The following ZBTB44 variants were observed in gnomAD, a reference collection of about 807,000 sequenced individuals.
The protein encoded by ZBTB44 is zinc finger and BTB domain containing 44.
A neutral mutation model predicts 54.0 loss-of-function variants in ZBTB44; 15 were observed. That is an observed-to-expected ratio of 0.28 (90% confidence interval 0.19 to 0.43). The LOEUF (loss-of-function observed/expected upper bound fraction) is 0.43. Among genes scored for constraint, ZBTB44 ranks in the 20% least tolerant of loss-of-function variants. The pLI is 1.00. For missense variants in ZBTB44, 487 were observed against 707.1 expected, an observed-to-expected ratio of 0.69 and a Z score of 3.53; for synonymous variants, 230 against 250.1, an observed-to-expected ratio of 0.92 and a Z score of 0.76.
At chr11:130,247,808 T>A in intron 2 of ZBTB44, among the ~76,000 whole-genome samples, 1 of 152,236 alleles carries the variant, frequency 6.6e-6, no homozygotes, top group East Asian at 1.9e-4. Context: ...CAACTATTAA[T>A]ATTTACAGTG....
chr11:130,295,849 TTTGGTG>T, intron 1 of ZBTB44: 1 of 1,400,514 alleles, frequency 7.1e-7, no homozygotes, highest in East Asian at 2.3e-5. Flanking sequence ...CATGCAAATT[TTTGGTG>T]TTCTTAAGGA....
intron 3 of ZBTB44, 21 bp downstream of exon 3, chr11:130,239,791 A>G: frequency 6.2e-7 from 1 of 1,603,222 alleles, no homozygotes. Context: ...AGAGGTAACG[A>G]AATGCTATGT....
At chr11:130,234,308 A>G (rs762072880) in intron 5 of ZBTB44, 35 bp from the exon 6 acceptor site, 1 of 1,493,228 alleles carries the variant, frequency 6.7e-7, no homozygotes, top group Non-Finnish European at 8.9e-7. Context: ...TATGGAATTA[A>G]TTTTCAAACC....
At chr11:130,311,080 T>G (rs574702395) in intron 1 of ZBTB44, among the ~76,000 whole-genome samples, 2 of 152,380 alleles carry the variant, frequency 1.3e-5, no homozygotes, top group East Asian at 3.9e-4. Context: ...ACATTCTTCA[T>G]GCAATATAGT....
At chr11:130,295,612 C>T (rs1941593654) in intron 1 of ZBTB44, 1 of 784,614 alleles carries the variant, frequency 1.3e-6, no homozygotes, top group South Asian at 1.5e-5. Flanking sequence ...ATAATATTGT[C>T]AATGAAAACT....
intron 1 of ZBTB44, among the ~76,000 whole-genome samples, chr11:130,271,410 A>C (rs1368262215): frequency 6.6e-6 from 1 of 152,206 alleles, no homozygotes; most frequent in Non-Finnish European, 1.5e-5. Flanking sequence ...CTTCTGGAAT[A>C]TCTGACCAGA....
At chr11:130,291,729 G>A (rs1005104235) in intron 1 of ZBTB44, among the ~76,000 whole-genome samples, 1 of 152,056 alleles carries the variant, frequency 6.6e-6, no homozygotes, top group Non-Finnish European at 1.5e-5. Context: ...TCTCTCCAAG[G>A]ATTATTCCAA....
intron 1 of ZBTB44, among the ~76,000 whole-genome samples, chr11:130,266,975 ATTTTTT>A (rs1565663845): frequency 6.6e-6 from 1 of 152,064 alleles, no homozygotes; most frequent in Admixed American, 6.6e-5. Flanking sequence ...TTAATTAAAA[ATTTTTT>A]TTAGCTGGGC....
At chr11:130,239,155 A>C (rs1954245025) in intron 3 of ZBTB44, 1 of 150,830 alleles carries the variant, frequency 6.6e-6, no homozygotes, top group South Asian at 2.1e-4. Flanking sequence ...GGAGATGAAG[A>C]GTGGTAAGGA....
chr11:130,238,767 C>A, intron 3 of ZBTB44, 160 bp from the exon 4 acceptor site: 1 of 744,724 alleles, frequency 1.3e-6, no homozygotes, highest in Non-Finnish European at 2.0e-6. Context: ...ATATGAAAAA[C>A]AATGTTAATG....
intron 2 of ZBTB44, among the ~76,000 whole-genome samples, chr11:130,247,956 AC>A (rs1197241285): frequency 2.0e-5 from 3 of 152,216 alleles, no homozygotes; most frequent in Non-Finnish European, 4.4e-5. Context: ...GCAAGTTGAT[AC>A]TGAATTTTAC....
At chr11:130,291,583 T>C (rs1941301875) in intron 1 of ZBTB44, among the ~76,000 whole-genome samples, 1 of 152,216 alleles carries the variant, frequency 6.6e-6, no homozygotes, top group Non-Finnish European at 1.5e-5. Context: ...CTGACTTTAA[T>C]TAAATCCTAT....
intron 1 of ZBTB44, among the ~76,000 whole-genome samples, chr11:130,286,472 G>C (rs1940971558): frequency 6.6e-6 from 1 of 152,098 alleles, no homozygotes; most frequent in African/African-American, 2.4e-5. Context: ...TTCCTATTAA[G>C]GTTTCTAATT....
At chr11:130,283,841 G>A (rs1440807346) in intron 1 of ZBTB44, among the ~76,000 whole-genome samples, 1 of 151,624 alleles carries the variant, frequency 6.6e-6, no homozygotes, top group Non-Finnish European at 1.5e-5. Context: ...ATGATGGCAG[G>A]TGCCTGCAGT....
chr11:130,265,915 G>A (rs145321146), intron 1 of ZBTB44, among the ~76,000 whole-genome samples: 229 of 152,356 alleles, frequency 1.5e-3, no homozygotes, highest in African/African-American at 5.0e-3. Context: ...AAGTGCTGAT[G>A]TCGAAGCTGC....
intron 1 of ZBTB44, among the ~76,000 whole-genome samples, chr11:130,294,538 C>CAAAAAAAA (rs11322495): frequency 2.1e-5 from 1 of 48,652 alleles, no homozygotes; most frequent in Non-Finnish European, 3.9e-5. Context: ...TCTATATGAC[C>CAAAAAAAA]AAAAAAAAAA....
intron 2 of ZBTB44, among the ~76,000 whole-genome samples, chr11:130,254,778 A>G (rs1323614449): frequency 6.6e-6 from 1 of 152,186 alleles, no homozygotes; most frequent in Non-Finnish European, 1.5e-5. Flanking sequence ...GTGCACACGT[A>G]TGTTTATTGT....
At chr11:130,266,459 C>T (rs970190969) in intron 1 of ZBTB44, among the ~76,000 whole-genome samples, 2 of 152,094 alleles carry the variant, frequency 1.3e-5, no homozygotes, top group Admixed American at 6.5e-5. Context: ...ATTTTCAAGC[C>T]TTATTATTTA....
At chr11:130,312,464 TTAAGC>T (rs1452087976) in intron 1 of ZBTB44, among the ~76,000 whole-genome samples, 71 of 152,322 alleles carry the variant, frequency 4.7e-4, no homozygotes, top group African/African-American at 1.6e-3. Context: ...AAGTTTTACT[TTAAGC>T]TAATTAAGCC....
Sources: gnomAD v4.1 joint callset for allele counts (sites outside exome capture counted in the v4.1 genomes callset) on GRCh38, gnomAD v4.1.1 for gene constraint, MANE v1.5 for transcripts, NCBI Gene and HGNC (gene_info 2026-07-23, HGNC 2026-07-21) for gene names.